Variants in TMEM132B observed in about 807,000 individuals in gnomAD.
The protein encoded by TMEM132B is transmembrane protein 132B.
In TMEM132B, 18 loss-of-function variants were observed where a neutral mutation model predicts 90.8. The observed-to-expected ratio is 0.20, with a 90% CI of 0.14 to 0.29. The LOEUF (loss-of-function observed/expected upper bound fraction) is 0.29, where lower values mean the gene tolerates loss of function less well. Ranked by LOEUF, TMEM132B falls within the 10% of genes least tolerant of loss-of-function variation. The pLI, the probability that TMEM132B is intolerant of heterozygous loss-of-function variation, is 1.00. For synonymous variants in TMEM132B, 504 were observed against 523.3 expected, an observed-to-expected ratio of 0.96 and a Z score of 0.50; for missense variants, 1,096 against 1,326.8, an observed-to-expected ratio of 0.83 and a Z score of 2.70.
chr12:125,642,289 T>C (rs1886652394), intron 5 of TMEM132B, among the ~76,000 whole-genome samples: 1 of 152,204 alleles, frequency 6.6e-6, no homozygotes, highest in Non-Finnish European at 1.5e-5. Context: ...TTCTGATTAT[T>C]CTCTTTACAG....
intron 4 of TMEM132B, 72 bp downstream of exon 4, chr12:125,519,697 T>A (rs921882592): frequency 1.3e-6 from 2 of 1,481,946 alleles, no homozygotes; most frequent in African/African-American, 2.8e-5. Flanking sequence ...CTGTATAATC[T>A]GTTATTTTCC....
At chr12:125,527,936 C>G (rs578216975) in intron 4 of TMEM132B, among the ~76,000 whole-genome samples, 1 of 152,156 alleles carries the variant, frequency 6.6e-6, no homozygotes, top group African/African-American at 2.4e-5. Context: ...CCTTGGAAAC[C>G]ATTTATGTCT....
intron 1 of TMEM132B, among the ~76,000 whole-genome samples, chr12:125,332,415 A>T (rs1566004418): frequency 6.6e-6 from 1 of 151,902 alleles, no homozygotes; most frequent in East Asian, 1.9e-4. Flanking sequence ...ACTTTCTTTT[A>T]TTCTTCATCA....
intron 4 of TMEM132B, among the ~76,000 whole-genome samples, chr12:125,543,018 A>G (rs1409183594): frequency 6.6e-6 from 1 of 152,216 alleles, no homozygotes; most frequent in Non-Finnish European, 1.5e-5. Context: ...ATCCCAGAAT[A>G]TGACCCTTAT....
At chr12:125,455,418 G>A (rs542560400) in intron 3 of TMEM132B, among the ~76,000 whole-genome samples, 4 of 152,280 alleles carry the variant, frequency 2.6e-5, no homozygotes, top group African/African-American at 7.2e-5. Flanking sequence ...TTGAAATTCT[G>A]CCCAGCCCAG....
chr12:125,233,315 A>T (rs970691873), intron 1 of TMEM132B, among the ~76,000 whole-genome samples: 2 of 152,142 alleles, frequency 1.3e-5, no homozygotes, highest in African/African-American at 4.8e-5. Flanking sequence ...AAGACCCAAG[A>T]TCCTTCTAGT....
At chr12:125,244,190 C>G (rs1309727954) in intron 1 of TMEM132B, among the ~76,000 whole-genome samples, 1 of 152,170 alleles carries the variant, frequency 6.6e-6, no homozygotes, top group South Asian at 2.1e-4. Flanking sequence ...CATCTTTTGG[C>G]TATTGTAAAT....
chr12:125,648,368 C>T (rs1886820323), intron 6 of TMEM132B, among the ~76,000 whole-genome samples: 1 of 152,068 alleles, frequency 6.6e-6, no homozygotes, highest in East Asian at 1.9e-4. Flanking sequence ...GGTATCTACA[C>T]TCAAAGTAGC....
intron 5 of TMEM132B, among the ~76,000 whole-genome samples, chr12:125,614,034 A>G (rs1199256941): frequency 6.6e-6 from 1 of 152,140 alleles, no homozygotes; most frequent in Admixed American, 6.6e-5. Flanking sequence ...GTTTTATATT[A>G]TTGATTTTAA....
chr12:125,645,217 C>CAAA (rs57035989), intron 6 of TMEM132B, among the ~76,000 whole-genome samples: 34 of 73,530 alleles, frequency 4.6e-4, no homozygotes, highest in Admixed American at 6.1e-4. Context: ...GACTCCGTCT[C>CAAA]AAAAAAAAAA....
At position 125,415,524 on chromosome 12, in the gene TMEM132B, C is replaced by A. The variant is rs757411670; in HGVS notation, c.960-7C>A. On this transcript the variant is annotated splice_region_variant and splice_polypyrimidine_tract_variant and intron_variant, in intron 2 of 8. Coordinates refer to ENST00000682704, the MANE Select transcript of TMEM132B (RefSeq NM_001366854.1). This position sits in a 1 kb window ranked among gnomAD's most constrained non-coding sequence, Gnocchi z 5.3. Reference sequence around the variant, plus strand: ...ATATATAATATCATTGTTTTCCCACCCCACAGAATTAAGGCGGCAGCAGGT... The same window carrying A: ...ATATATAATATCATTGTTTTCCCACACCACAGAATTAAGGCGGCAGCAGGT... The A allele has an allele frequency of 1.9e-6, 3 of 1,613,742 alleles. No homozygotes were observed. The East Asian group carries it at 6.7e-5, about 36-fold the overall frequency.
rs546406078 is a variant in TMEM132B, at chr12:125,550,462, C to T, written c.1293+30837C>T. 9.2e-5 allele frequency among the ~76,000 whole-genome samples: 14 copies of T among 152,198 alleles called. No individual in the cohort carries two copies. The South Asian group carries it at 1.5e-3, about 16-fold the overall frequency. ...CTGCATTTCTGTGCAGTTACTGGTG[C>T]GGTTTCTGTCTCCTGGCTGTACTCT... On this transcript the variant is annotated intron_variant, in intron 4 of 8. Coordinates refer to ENST00000682704, the MANE Select transcript of TMEM132B (RefSeq NM_001366854.1).
At chr12:125,481,597 A>T (rs1327992510) in intron 3 of TMEM132B, among the ~76,000 whole-genome samples, 1 of 152,196 alleles carries the variant, frequency 6.6e-6, no homozygotes, top group Non-Finnish European at 1.5e-5. Flanking sequence ...TCAACGAAAT[A>T]AAAGAGGACA....
At chr12:125,446,597 A>G (rs1490401569) in intron 3 of TMEM132B, among the ~76,000 whole-genome samples, 1 of 152,176 alleles carries the variant, frequency 6.6e-6, no homozygotes, top group Non-Finnish European at 1.5e-5. Flanking sequence ...AAATAAATGT[A>G]TTTTAGGGTT....
At chr12:125,259,229 G>T (rs969608791) in intron 1 of TMEM132B, among the ~76,000 whole-genome samples, 1 of 152,142 alleles carries the variant, frequency 6.6e-6, no homozygotes, top group Non-Finnish European at 1.5e-5. Flanking sequence ...TCCCCCACTA[G>T]ATTAAAATCC....
chr12:125,468,317 T>C (rs1020907143), intron 3 of TMEM132B, among the ~76,000 whole-genome samples: 8 of 152,248 alleles, frequency 5.3e-5, no homozygotes, highest in Non-Finnish European at 7.3e-5. Flanking sequence ...GGTATGAATG[T>C]CTGTTTGTGC....
intron 4 of TMEM132B, among the ~76,000 whole-genome samples, chr12:125,530,742 T>C (rs1445002081): frequency 6.6e-6 from 1 of 152,218 alleles, no homozygotes; most frequent in African/African-American, 2.4e-5. Context: ...AAGCTGTGTG[T>C]GTGTGTCTGT....
chr12:125,453,679 C>T (rs567384239), intron 3 of TMEM132B, among the ~76,000 whole-genome samples: 2 of 152,290 alleles, frequency 1.3e-5, no homozygotes, highest in South Asian at 2.1e-4. Flanking sequence ...CTCCATGAAA[C>T]ACCAGTGTAA....
intron 4 of TMEM132B, 87 bp from the exon 5 acceptor site, chr12:125,583,764 C>A: frequency 1.4e-6 from 2 of 1,470,762 alleles, no homozygotes; most frequent in Non-Finnish European, 1.9e-6. Flanking sequence ...AGAATGAAGG[C>A]AGTAGGGAGC....
Sources: allele counts gnomAD v4.1 joint callset (sites outside exome capture counted in the v4.1 genomes callset), GRCh38; gene constraint gnomAD v4.1.1; non-coding constraint Gnocchi (gnomAD v3.1); transcripts MANE v1.5; gene names NCBI Gene and HGNC (gene_info 2026-07-23, HGNC 2026-07-21).